CCNY: variants seen among roughly 807,000 people sequenced by gnomAD.
CCNY encodes cyclin Y, also known as cyclin-Y.
A neutral mutation model predicts 42.8 loss-of-function variants in CCNY; 19 were observed. That is an observed-to-expected ratio of 0.44 (90% confidence interval 0.31 to 0.65). CCNY has a LOEUF of 0.65. Ranked by LOEUF, CCNY falls within the 30% of genes least tolerant of loss-of-function variation. The pLI is 0.07. For synonymous variants in CCNY, 165 were observed against 162.7 expected (o/e 1.01, Z -0.11); for missense variants, 370 against 437.3 (o/e 0.85, Z 1.37).
intron 3 of CCNY, among the ~76,000 whole-genome samples, chr10:35,310,641 C>T (rs1564365158): frequency 6.6e-6 from 1 of 152,148 alleles, no homozygotes; most frequent in African/African-American, 2.4e-5. Context: ...TTGCATTTTG[C>T]TGATGATGAG....
At chr10:35,382,459 A>T (rs1316024508) in intron 1 of CCNY, among the ~76,000 whole-genome samples, 3 of 152,070 alleles carry the variant, frequency 2.0e-5, no homozygotes, top group Admixed American at 1.3e-4. Context: ...TGGCTTCTTG[A>T]CTCTCATCTC....
At chr10:35,291,147 A>C (rs929937115) in intron 3 of CCNY, among the ~76,000 whole-genome samples, 3 of 152,052 alleles carry the variant, frequency 2.0e-5, no homozygotes, top group African/African-American at 7.2e-5. Flanking sequence ...CTGGGATGAC[A>C]AGCACCCGCC....
At chr10:35,549,132 C>A (rs1414388885) in intron 7 of CCNY, among the ~76,000 whole-genome samples, 4 of 130,530 alleles carry the variant, frequency 3.1e-5, no homozygotes, top group African/African-American at 1.2e-4. Flanking sequence ...CATGCCAAAC[C>A]CCTTCTCTCG....
chr10:35,569,021 G>T, intron 9 of CCNY, 33 bp from the exon 10 acceptor site: 2 of 1,427,584 alleles, frequency 1.4e-6, no homozygotes, highest in Non-Finnish European at 9.9e-7. Flanking sequence ...GATATGGCCC[G>T]CCCTGACCCA....
chr10:35,568,919 T>C (rs1241825239), intron 9 of CCNY, 135 bp from the exon 10 acceptor site: 1 of 663,162 alleles, frequency 1.5e-6, no homozygotes, highest in Non-Finnish European at 2.7e-6. Flanking sequence ...AGCAGAGAGC[T>C]GGGCTCTGGG....
chr10:35,408,182 C>T (rs958040940), intron 1 of CCNY, among the ~76,000 whole-genome samples: 14 of 152,160 alleles, frequency 9.2e-5, no homozygotes, highest in African/African-American at 3.4e-4. Flanking sequence ...GTTCCTTGGG[C>T]TGGTTAGTCT....
At chr10:35,409,646 C>A (rs1837860837) in intron 1 of CCNY, among the ~76,000 whole-genome samples, 1 of 152,084 alleles carries the variant, frequency 6.6e-6, no homozygotes, top group African/African-American at 2.4e-5. Flanking sequence ...AGATAATTCC[C>A]ATGTGTGAGA....
At chr10:35,368,423 T>C (rs1416895253) in intron 1 of CCNY, among the ~76,000 whole-genome samples, 1 of 152,268 alleles carries the variant, frequency 6.6e-6, no homozygotes, top group African/African-American at 2.4e-5. Flanking sequence ...GTTTTTCTAA[T>C]GTAAAATTAA....
chr10:35,260,332 T>A (rs1477275645), intron 3 of CCNY, among the ~76,000 whole-genome samples: 1 of 152,186 alleles, frequency 6.6e-6, no homozygotes, highest in East Asian at 1.9e-4. Flanking sequence ...TGTAAGAGCC[T>A]ACCTCTGCAA....
chr10:35,351,620 T>C (rs1321157564), intron 1 of CCNY, among the ~76,000 whole-genome samples: 1 of 152,218 alleles, frequency 6.6e-6, no homozygotes. Flanking sequence ...GGTGCTTAGT[T>C]TGTGGGAAAC....
At chr10:35,374,144 T>G (rs1300229854) in intron 1 of CCNY, among the ~76,000 whole-genome samples, 1 of 152,230 alleles carries the variant, frequency 6.6e-6, no homozygotes, top group Non-Finnish European at 1.5e-5. Flanking sequence ...TATTGAATGA[T>G]TTATATTTTT....
At chr10:35,385,966 C>T (rs546336098) in intron 1 of CCNY, among the ~76,000 whole-genome samples, 5 of 152,032 alleles carry the variant, frequency 3.3e-5, no homozygotes, top group African/African-American at 4.8e-5. Flanking sequence ...TGTCCTAATG[C>T]GTCTCATGTT....
Position 35,271,775 on chromosome 10 carries a change from C to A in CCNY, c.-9+21149C>A, listed in dbSNP as rs137965315. ...CTTTGCCCTCTGCCCCCCTTGGCAA[C>A]CCCCTTGGGTTCCACAGTGCATTAT... On this transcript the variant is annotated intron_variant, in intron 3 of 11. Coordinates refer to the CCNY transcript ENST00000374706. Among the ~76,000 whole-genome samples, 456 of 152,288 alleles carry A rather than the reference C, an allele frequency of 3.0e-3. 6 individuals are homozygous for A. Among genetic ancestry groups the A allele is most frequent in the African/African-American group, 0.01 (434 of 41,556 alleles).
At chr10:35,526,280 T>G (rs944881082) in intron 5 of CCNY, among the ~76,000 whole-genome samples, 1 of 152,240 alleles carries the variant, frequency 6.6e-6, no homozygotes, top group African/African-American at 2.4e-5. Flanking sequence ...CTGAAAAATT[T>G]GTTGAAACAT....
At chr10:35,370,184 CATT>C in intron 1 of CCNY, among the ~76,000 whole-genome samples, 1 of 150,888 alleles carries the variant, frequency 6.6e-6, no homozygotes, top group Admixed American at 6.6e-5. Context: ...CGGAGTCTCA[CATT>C]GTTGCCCAGG....
intron 3 of CCNY, among the ~76,000 whole-genome samples, chr10:35,509,708 G>A (rs1589167836): frequency 6.6e-6 from 1 of 152,200 alleles, no homozygotes; most frequent in East Asian, 1.9e-4. Flanking sequence ...AGTGATGATG[G>A]TGCTTTCCTC....
chr10:35,562,219 A>G (rs974819191), intron 8 of CCNY, among the ~76,000 whole-genome samples: 1 of 152,254 alleles, frequency 6.6e-6, no homozygotes, highest in Admixed American at 6.5e-5. Flanking sequence ...TTGTCCAAGC[A>G]TTGCATGGCA....
chr10:35,287,908 G>A (rs1326921525), intron 3 of CCNY, among the ~76,000 whole-genome samples: 4 of 151,926 alleles, frequency 2.6e-5, no homozygotes, highest in South Asian at 2.1e-4. Context: ...CAGCCACCTC[G>A]GCCTCCCAAA....
intron 3 of CCNY, among the ~76,000 whole-genome samples, chr10:35,275,717 C>A (rs1167078927): frequency 1.3e-5 from 2 of 151,524 alleles, no homozygotes; most frequent in Non-Finnish European, 2.9e-5. Context: ...GAGCTGAGAT[C>A]GCACCACTGC....
Sources: allele counts gnomAD v4.1 joint callset (sites outside exome capture counted in the v4.1 genomes callset), GRCh38; gene constraint gnomAD v4.1.1; transcripts MANE v1.5; gene names NCBI Gene and HGNC (gene_info 2026-07-23, HGNC 2026-07-21).